FBXL17: variants seen among roughly 807,000 people sequenced by gnomAD.
FBXL17 encodes F-box and leucine rich repeat protein 17, also known as F-box/LRR-repeat protein 17.
In FBXL17, 22 loss-of-function variants were observed where a neutral mutation model predicts 66.2. The observed-to-expected ratio is 0.33, with a 90% CI of 0.24 to 0.47. The LOEUF (loss-of-function observed/expected upper bound fraction) is 0.47. FBXL17 is among the 20% of genes least tolerant of loss of function. The pLI, the probability that FBXL17 is intolerant of heterozygous loss-of-function variation, is 1.00. For synonymous variants in FBXL17, 474 were observed against 400.5 expected (o/e 1.18, Z -2.19); for missense variants, 878 against 948.2 (o/e 0.93, Z 0.97).
In FBXL17 at chr5:108,364,759, G is replaced by A; in HGVS notation, c.1353C>T (p.Leu451=). 1 of 1,611,714 alleles carries A rather than the reference G, an allele frequency of 6.2e-7. No individual in the cohort carries two copies. The highest frequency in any genetic ancestry group is 8.5e-7 in the Non-Finnish European group (1 of 1,178,526). Residue 451 remains leucine (L), a synonymous_variant, in exon 3 of 9, where the codon CTC becomes CTT. Coordinates refer to ENST00000542267, the MANE Select transcript of FBXL17 (RefSeq NM_001163315.3). ...QKVHVGNQDK[L]TDEGLKQLGS... ...TTACCTGCTTGAGTCCTTCATCAGTGAGTTTGTCCTGGTTGCCTACATGCA... is the reference window on the plus strand; with the variant it reads ...TTACCTGCTTGAGTCCTTCATCAGTAAGTTTGTCCTGGTTGCCTACATGCA...
intron 7 of FBXL17, among the ~76,000 whole-genome samples, chr5:107,982,606 G>A (rs976087243): frequency 2.0e-5 from 3 of 152,132 alleles, no homozygotes; most frequent in Non-Finnish European, 4.4e-5. Flanking sequence ...GAGATTTTAG[G>A]TTAATTGATA....
intron 6 of FBXL17, among the ~76,000 whole-genome samples, chr5:108,057,107 A>G (rs1278107449): frequency 3.3e-5 from 5 of 152,250 alleles, no homozygotes; most frequent in Non-Finnish European, 7.3e-5. Context: ...ATTCTATTCA[A>G]AGAGGTTAAC....
At chr5:107,880,634 T>A in intron 8 of FBXL17, 1 of 1,147,002 alleles carries the variant, frequency 8.7e-7, no homozygotes, top group Non-Finnish European at 1.1e-6. Flanking sequence ...GAAAAACCAA[T>A]TTGGCACTGT....
chr5:108,040,069 A>G (rs1486514828), intron 6 of FBXL17, among the ~76,000 whole-genome samples: 1 of 152,192 alleles, frequency 6.6e-6, no homozygotes, highest in Non-Finnish European at 1.5e-5. Flanking sequence ...ATTTGGGTAT[A>G]ATAATTAGAT....
chr5:108,149,952 ATGTT>A (rs1462333156), intron 6 of FBXL17, among the ~76,000 whole-genome samples: 1 of 152,134 alleles, frequency 6.6e-6, no homozygotes, highest in Non-Finnish European at 1.5e-5. Context: ...TAAAAACCTA[ATGTT>A]TGTTAGAAAA....
chr5:108,296,423 T>G (rs1488612797), intron 4 of FBXL17, among the ~76,000 whole-genome samples: 1 of 151,888 alleles, frequency 6.6e-6, no homozygotes, highest in Non-Finnish European at 1.5e-5. Flanking sequence ...TCGGCCTTAT[T>G]TATAACTATT....
In FBXL17 at chr5:108,047,803, G is replaced by A. The variant is rs186515701; in HGVS notation, c.1746-26802C>T. On this transcript the variant is annotated intron_variant, in intron 6 of 8. Coordinates refer to ENST00000542267, the MANE Select transcript of FBXL17 (RefSeq NM_001163315.3). ...ACAGAACCTAGATCTCCCTGGGCCT[G>A]AGCCCCTAGGAGGAGGGGTGGCCAC... Among the ~76,000 whole-genome samples the A allele has an allele frequency of 6.4e-4, 97 of 152,250 alleles. 1 individual carries two copies. Among genetic ancestry groups the A allele is most frequent in the African/African-American group, 2.3e-3 (96 of 41,552 alleles).
chr5:107,926,299 CAAT>C (rs1228747061), intron 7 of FBXL17, among the ~76,000 whole-genome samples: 1 of 152,042 alleles, frequency 6.6e-6, no homozygotes, highest in Non-Finnish European at 1.5e-5. Flanking sequence ...ATACTATTCT[CAAT>C]GATAGAGATG....
chr5:108,344,177 G>A (rs1304720821), intron 4 of FBXL17, among the ~76,000 whole-genome samples: 1 of 118,600 alleles, frequency 8.4e-6, no homozygotes, highest in Non-Finnish European at 2.0e-5. Flanking sequence ...TCAGCCTAGG[G>A]GGTCGGGGGG....
intron 4 of FBXL17, among the ~76,000 whole-genome samples, chr5:108,269,360 T>G (rs1335150859): frequency 6.6e-6 from 1 of 152,064 alleles, no homozygotes; most frequent in Non-Finnish European, 1.5e-5. Context: ...AATCTTTAGT[T>G]TTAGATGACA....
chr5:107,884,675 A>C (rs183942687), intron 7 of FBXL17, among the ~76,000 whole-genome samples: 1 of 152,318 alleles, frequency 6.6e-6, no homozygotes, highest in East Asian at 1.9e-4. Context: ...GTCTAGTCTC[A>C]AGTTCGGTTC....
chr5:108,177,488 T>C (rs1752835447), intron 6 of FBXL17, among the ~76,000 whole-genome samples: 1 of 152,196 alleles, frequency 6.6e-6, no homozygotes, highest in South Asian at 2.1e-4. Flanking sequence ...CGGATGACCA[T>C]TTAATTTATC....
At chr5:108,020,428 C>T (rs1203613876) in intron 7 of FBXL17, among the ~76,000 whole-genome samples, 1 of 151,790 alleles carries the variant, frequency 6.6e-6, no homozygotes, top group Admixed American at 6.6e-5. Context: ...TAAAATGTTG[C>T]ATATAAATGT....
chr5:107,886,915 C>CA (rs33943440), intron 7 of FBXL17, among the ~76,000 whole-genome samples: 52,875 of 129,456 alleles, frequency 0.41, 10,085 homozygotes, highest in African/African-American at 0.51. Context: ...TAATGAAATA[C>CA]AAAAAAAAAA....
intron 4 of FBXL17, among the ~76,000 whole-genome samples, chr5:108,271,651 A>C (rs1321716442): frequency 6.6e-6 from 1 of 152,214 alleles, no homozygotes; most frequent in African/African-American, 2.4e-5. Context: ...TAAACTATAA[A>C]ACAACACCTG....
intron 1 of FBXL17, among the ~76,000 whole-genome samples, chr5:108,374,889 T>C (rs1749313076): frequency 4.0e-5 from 6 of 151,834 alleles, no homozygotes; most frequent in Admixed American, 3.9e-4. Flanking sequence ...GTAACTACAT[T>C]TAAAAAGAAG....
chr5:108,232,729 C>G (rs1305629626), intron 4 of FBXL17, among the ~76,000 whole-genome samples: 2 of 140,666 alleles, frequency 1.4e-5, no homozygotes, highest in Non-Finnish European at 3.1e-5. Context: ...AGCTTGCAGA[C>G]AGCCTATTGT....
At chr5:108,171,452 A>C (rs1198560108) in intron 6 of FBXL17, among the ~76,000 whole-genome samples, 4 of 152,150 alleles carry the variant, frequency 2.6e-5, no homozygotes, top group East Asian at 3.8e-4. Flanking sequence ...ATTTTACTTT[A>C]TCTATAAAAC....
chr5:108,318,301 C>T (rs1459842654), intron 4 of FBXL17, among the ~76,000 whole-genome samples: 2 of 151,810 alleles, frequency 1.3e-5, no homozygotes, highest in East Asian at 3.9e-4. Context: ...TTTGCTATGT[C>T]TTCAGCAAAA....
Sources: allele counts gnomAD v4.1 joint callset (sites outside exome capture counted in the v4.1 genomes callset), GRCh38; gene constraint gnomAD v4.1.1; transcripts MANE v1.5; gene names NCBI Gene and HGNC (gene_info 2026-07-23, HGNC 2026-07-21).